SBF2: variants seen among roughly 807,000 people sequenced by gnomAD.
SBF2 encodes myotubularin-related protein 13.
In SBF2, 112 loss-of-function variants were observed where a neutral mutation model predicts 225.2. The ratio of observed to expected loss-of-function variants is 0.50; its 90% CI spans 0.43 to 0.58. The LOEUF is 0.58. Among genes scored for constraint, SBF2 ranks in the 20% least tolerant of loss-of-function variants. The pLI is 0.00. For missense variants in SBF2, 1,996 were observed against 2,206.2 expected, an observed-to-expected ratio of 0.90 and a Z score of 1.91; for synonymous variants, 763 against 773.3, an observed-to-expected ratio of 0.99 and a Z score of 0.22.
intron 2 of SBF2, among the ~76,000 whole-genome samples, chr11:10,144,268 G>A (rs1954787610): frequency 6.6e-6 from 1 of 152,104 alleles, no homozygotes; most frequent in African/African-American, 2.4e-5. Flanking sequence ...TGGGCAGATG[G>A]CTTGAGCCCA....
chr11:10,284,363 A>C (rs1306952157), intron 1 of SBF2, among the ~76,000 whole-genome samples: 1 of 152,194 alleles, frequency 6.6e-6, no homozygotes, highest in Non-Finnish European at 1.5e-5. Flanking sequence ...AAACAATTTT[A>C]TCACCACAAA....
At chr11:9,991,629 C>T (rs1376205655) in intron 12 of SBF2, among the ~76,000 whole-genome samples, 1 of 152,060 alleles carries the variant, frequency 6.6e-6, no homozygotes, top group Non-Finnish European at 1.5e-5. Flanking sequence ...CCAGAGTGGG[C>T]TGCTGTGAAT....
At chr11:10,114,959 A>G (rs1953060094) in intron 2 of SBF2, among the ~76,000 whole-genome samples, 1 of 152,212 alleles carries the variant, frequency 6.6e-6, no homozygotes, top group Non-Finnish European at 1.5e-5. Flanking sequence ...TCTACAGGGC[A>G]GTTGCATTTG....
At chr11:9,925,291 T>A (rs11042546) in intron 16 of SBF2, among the ~76,000 whole-genome samples, 2,289 of 152,090 alleles carry the variant, frequency 0.015, 62 homozygotes, top group African/African-American at 0.051. Flanking sequence ...ATGATATATA[T>A]ATATATATAT....
chr11:10,118,283 T>C (rs959392084), intron 2 of SBF2, among the ~76,000 whole-genome samples: 1 of 152,198 alleles, frequency 6.6e-6, no homozygotes, highest in Non-Finnish European at 1.5e-5. Context: ...ACTTATGTCC[T>C]TCCTGGAAGT....
intron 1 of SBF2, among the ~76,000 whole-genome samples, chr11:10,221,907 A>G (rs1004024047): frequency 2.6e-5 from 4 of 152,238 alleles, no homozygotes; most frequent in Non-Finnish European, 5.9e-5. Flanking sequence ...TTGAAGAATC[A>G]AAGGACAGAG....
chr11:10,055,508 T>A, intron 2 of SBF2, among the ~76,000 whole-genome samples: 1 of 132,064 alleles, frequency 7.6e-6, no homozygotes, highest in Non-Finnish European at 1.6e-5. Context: ...AACAGATGAG[T>A]AAATAAAGAA....
intron 2 of SBF2, among the ~76,000 whole-genome samples, chr11:10,108,077 G>A (rs908541611): frequency 6.6e-5 from 10 of 152,126 alleles, no homozygotes; most frequent in African/African-American, 2.4e-4. Context: ...GAAAGTATAC[G>A]CTTTGTGACA....
intron 2 of SBF2, among the ~76,000 whole-genome samples, chr11:10,174,982 G>T (rs1362274855): frequency 6.6e-6 from 1 of 151,774 alleles, no homozygotes; most frequent in Admixed American, 6.6e-5. Flanking sequence ...GTCACCACCA[G>T]GCCTGCCCTA....
At chr11:10,205,804 T>C (rs932821239) in intron 1 of SBF2, among the ~76,000 whole-genome samples, 1 of 151,938 alleles carries the variant, frequency 6.6e-6, no homozygotes, top group African/African-American at 2.4e-5. Flanking sequence ...CTGGGAAGCC[T>C]TTGTCATCAC....
intron 3 of SBF2, among the ~76,000 whole-genome samples, chr11:10,039,128 T>C (rs1002249627): frequency 4.6e-5 from 7 of 151,944 alleles, no homozygotes; most frequent in East Asian, 1.9e-4. Flanking sequence ...ACATTCTGGA[T>C]GGTGTATGTC....
At chr11:10,032,956 C>T (rs988950240) in intron 3 of SBF2, among the ~76,000 whole-genome samples, 3 of 152,062 alleles carry the variant, frequency 2.0e-5, no homozygotes, top group African/African-American at 7.2e-5. Context: ...GTTTCTAGTA[C>T]AATGCAATAT....
At chr11:10,284,481 C>T (rs11607174) in intron 1 of SBF2, among the ~76,000 whole-genome samples, 71,626 of 151,920 alleles carry the variant, frequency 0.47, 17,537 homozygotes, top group Non-Finnish European at 0.54. Flanking sequence ...ATGTATCTTC[C>T]TTAACTACCT....
At chr11:10,069,840 A>G (rs1358112143) in intron 2 of SBF2, among the ~76,000 whole-genome samples, 1 of 152,140 alleles carries the variant, frequency 6.6e-6, no homozygotes, top group Non-Finnish European at 1.5e-5. Context: ...TGACTTTTTA[A>G]TGATCGCCAT....
At position 9,784,452 on chromosome 11, in the gene SBF2, T is replaced by A. The variant is rs761116907; in HGVS notation, c.5232-14A>T. ...CCCTCAAAGGACCTAGAAGAAATGA[T>A]GACAGGAGAGTTAATTTTGATTTAC... On this transcript the variant is annotated splice_polypyrimidine_tract_variant and intron_variant, in intron 37 of 39. Transcript: ENST00000256190. The A allele has an allele frequency of 6.3e-7, 1 of 1,591,326 alleles. No individual in the cohort carries two copies. The highest frequency in any genetic ancestry group is 8.6e-7 in the Non-Finnish European group (1 of 1,159,210).
chr11:9,845,419 T>C (rs188610479), intron 24 of SBF2, 146 bp downstream of exon 24: 359 of 778,714 alleles, frequency 4.6e-4, no homozygotes, highest in Non-Finnish European at 6.9e-4. Flanking sequence ...GTTCCGTAAC[T>C]TTATGATCTT....
chr11:10,173,375 T>A (rs924857989), intron 2 of SBF2, among the ~76,000 whole-genome samples: 2 of 152,178 alleles, frequency 1.3e-5, no homozygotes, highest in Non-Finnish European at 2.9e-5. Context: ...GGAGTTCCCT[T>A]TCCTAGTCAA....
At chr11:9,897,924 A>G (rs910109976) in intron 16 of SBF2, among the ~76,000 whole-genome samples, 2 of 152,132 alleles carry the variant, frequency 1.3e-5, no homozygotes, top group South Asian at 2.1e-4. Flanking sequence ...TTTTTGAGGT[A>G]GAACATATGG....
At chr11:9,830,437 A>G (rs574944974) in intron 27 of SBF2, among the ~76,000 whole-genome samples, 1 of 152,254 alleles carries the variant, frequency 6.6e-6, no homozygotes, top group African/African-American at 2.4e-5. Context: ...ATGCATTGCA[A>G]TTTCAAAGAT....
Sources: allele counts gnomAD v4.1 joint callset (sites outside exome capture counted in the v4.1 genomes callset), GRCh38; gene constraint gnomAD v4.1.1; transcripts MANE v1.5; gene names NCBI Gene and HGNC (gene_info 2026-07-23, HGNC 2026-07-21).